The following CFH variants were observed in gnomAD, a reference collection of about 807,000 sequenced individuals.
The protein encoded by CFH is complement factor H.
In CFH, 53 loss-of-function variants were observed where a neutral mutation model predicts 147.3. That is an observed-to-expected ratio of 0.36 (90% confidence interval 0.29 to 0.45). The LOEUF is 0.45. Ranked by LOEUF, CFH falls within the 20% of genes least tolerant of loss-of-function variation. The pLI, the probability that CFH is intolerant of heterozygous loss-of-function variation, is 1.00. For synonymous variants in CFH, 536 were observed against 489.4 expected (o/e 1.10, Z -1.26); for missense variants, 1,380 against 1,498.0 (o/e 0.92, Z 1.30).
At position 196,685,140 on chromosome 1, in the gene CFH, A is replaced by G. The variant is rs776275476; in HGVS notation, c.867A>G (p.Glu289=). The G allele has an allele frequency of 1.9e-6, 3 of 1,612,974 alleles. No individual in the cohort carries two copies. The highest frequency in any genetic ancestry group is 2.2e-5 in the South Asian group (2 of 91,066). ...GGATTAAACACAGAACTGGAGATGA[A>G]ATCACGTACCAGTGTAGAAATGGTT... ...PLRIKHRTGD[E]ITYQCRNGFY... The change falls in exon 7 of 22, where the codon GAA becomes GAG. Residue 289 remains glutamate, a synonymous_variant. Coordinates refer to ENST00000367429, the MANE Select transcript of CFH (RefSeq NM_000186.4).
chr1:196,721,412 G>A (rs887984550), intron 11 of CFH, among the ~76,000 whole-genome samples: 1 of 151,980 alleles, frequency 6.6e-6, no homozygotes, highest in African/African-American at 2.4e-5. Flanking sequence ...GTTCTGATAA[G>A]ATACTTGATA....
chr1:196,692,939 CT>C (rs1053309925), intron 9 of CFH, among the ~76,000 whole-genome samples: 1 of 132,402 alleles, frequency 7.6e-6, no homozygotes, highest in African/African-American at 2.7e-5. Context: ...TCCTTCTTTC[CT>C]TTTGTCCCAA....
rs555694237 is a variant in CFH at position 196,704,182 on chromosome 1, C to A, written c.1337-9553C>A. On this transcript the variant is annotated intron_variant, in intron 9 of 21. Coordinates refer to ENST00000367429, the MANE Select transcript of CFH (RefSeq NM_000186.4). ...AACCTCTGGCTCACTGAAACCTCCACCTCACGAGCTAAAGCAATTTTCCTG... is the reference window on the plus strand; with the variant it reads ...AACCTCTGGCTCACTGAAACCTCCAACTCACGAGCTAAAGCAATTTTCCTG... Among the ~76,000 whole-genome samples the A allele has an allele frequency of 1.9e-3, 295 of 152,108 alleles. 1 individual carries two copies. The highest frequency in any genetic ancestry group is 3.3e-3 in the Non-Finnish European group (224 of 67,996).
At chr1:196,657,266 G>T (rs1176675902) in intron 1 of CFH, among the ~76,000 whole-genome samples, 1 of 151,842 alleles carries the variant, frequency 6.6e-6, no homozygotes, top group Non-Finnish European at 1.5e-5. Context: ...TGTTACTTCT[G>T]AAATGATCTT....
At chr1:196,716,227 C>T (rs1668868222) in intron 11 of CFH, among the ~76,000 whole-genome samples, 1 of 152,026 alleles carries the variant, frequency 6.6e-6, no homozygotes, top group Non-Finnish European at 1.5e-5. Context: ...TTACGTTTCT[C>T]AATCAGCCAT....
chr1:196,710,097 G>C (rs1668690323), intron 9 of CFH, among the ~76,000 whole-genome samples: 1 of 151,998 alleles, frequency 6.6e-6, no homozygotes, highest in African/African-American at 2.4e-5. Flanking sequence ...CCAGCAAAAA[G>C]CTGACTCAGG....
intron 10 of CFH, among the ~76,000 whole-genome samples, chr1:196,714,661 A>G (rs1401897247): frequency 5.5e-5 from 3 of 54,192 alleles, no homozygotes; most frequent in African/African-American, 2.0e-4. Context: ...ATATATATAT[A>G]TATATATAGA....
intron 9 of CFH, among the ~76,000 whole-genome samples, chr1:196,690,788 C>T (rs1234848201): frequency 2.0e-5 from 3 of 152,134 alleles, no homozygotes; most frequent in Non-Finnish European, 4.4e-5. Flanking sequence ...CTAGGTGTGA[C>T]ATTTACATAA....
At chr1:196,666,013 G>A (rs558874587) in intron 1 of CFH, among the ~76,000 whole-genome samples, 4 of 152,202 alleles carry the variant, frequency 2.6e-5, no homozygotes, top group Non-Finnish European at 5.9e-5. Flanking sequence ...TTGGCTTGAA[G>A]GAAAATACAG....
chr1:196,709,960 T>A (rs383191), intron 9 of CFH, among the ~76,000 whole-genome samples: 4,557 of 152,072 alleles, frequency 0.03, 204 homozygotes, highest in African/African-American at 0.099. Context: ...CAGTGAGCTG[T>A]GATCACGCTA....
At chr1:196,673,219 G>C (rs34895813) in intron 2 of CFH, 56 bp downstream of exon 2, 1 of 1,424,252 alleles carries the variant, frequency 7.0e-7, no homozygotes, top group Non-Finnish European at 9.9e-7. Context: ...AAATACTTAA[G>C]ATTTAATATT....
At chr1:196,671,237 A>C (rs1270446934) in intron 1 of CFH, among the ~76,000 whole-genome samples, 1 of 152,138 alleles carries the variant, frequency 6.6e-6, no homozygotes, top group African/African-American at 2.4e-5. Context: ...AATAGCTGTT[A>C]TAAAGACCTA....
chr1:196,746,994 A>G, intron 21 of CFH, 117 bp from the exon 22 acceptor site: 1 of 1,540,350 alleles, frequency 6.5e-7, no homozygotes, highest in East Asian at 2.4e-5. Flanking sequence ...GTTGGTTTGG[A>G]TAGTGTTTTG....
chr1:196,745,427 T>C (rs935515319), intron 20 of CFH, among the ~76,000 whole-genome samples: 4 of 152,210 alleles, frequency 2.6e-5, no homozygotes, highest in African/African-American at 9.6e-5. Context: ...CATGTATTAT[T>C]AAGTATATTC....
intron 7 of CFH, among the ~76,000 whole-genome samples, chr1:196,688,937 A>C (rs2149087884): frequency 6.6e-6 from 1 of 152,250 alleles, no homozygotes; most frequent in Non-Finnish European, 1.5e-5. Context: ...AACAAATAAA[A>C]ACCTTAAATC....
intron 9 of CFH, among the ~76,000 whole-genome samples, chr1:196,700,447 A>C (rs1424536192): frequency 6.6e-6 from 1 of 152,090 alleles, no homozygotes; most frequent in African/African-American, 2.4e-5. Flanking sequence ...TGAGGTCAGG[A>C]GCTCGAGACC....
intron 9 of CFH, among the ~76,000 whole-genome samples, chr1:196,698,057 T>C (rs1668337304): frequency 6.6e-6 from 1 of 150,498 alleles, no homozygotes; most frequent in Non-Finnish European, 1.5e-5. Flanking sequence ...TAATGTTAAA[T>C]GAAGAGTTAA....
At chr1:196,664,609 C>A (rs180890413) in intron 1 of CFH, among the ~76,000 whole-genome samples, 2,082 of 152,208 alleles carry the variant, frequency 0.014, 24 homozygotes, top group Non-Finnish European at 0.023. Flanking sequence ...ATTTGGCCCA[C>A]AGGTTAGTTT....
intron 9 of CFH, among the ~76,000 whole-genome samples, chr1:196,699,330 A>G (rs1668383819): frequency 6.6e-6 from 1 of 152,092 alleles, no homozygotes; most frequent in African/African-American, 2.4e-5. Context: ...CTTATTTACC[A>G]TCTATGTACC....
Sources: gnomAD v4.1 joint callset for allele counts (sites outside exome capture counted in the v4.1 genomes callset) on GRCh38, gnomAD v4.1.1 for gene constraint, MANE v1.5 for transcripts, NCBI Gene and HGNC (gene_info 2026-07-23, HGNC 2026-07-21) for gene names.